The following BCL7A variants were observed in gnomAD, a reference collection of about 807,000 sequenced individuals.
BCL7A encodes the protein B-cell CLL/lymphoma 7 protein family member A.
A neutral mutation model predicts 28.4 loss-of-function variants in BCL7A; 11 were observed. The observed-to-expected ratio is 0.39, with a 90% CI of 0.24 to 0.64. The LOEUF (loss-of-function observed/expected upper bound fraction) is 0.64, where lower values mean the gene tolerates loss of function less well. BCL7A is among the 30% of genes least tolerant of loss of function. The pLI, the probability that BCL7A is intolerant of heterozygous loss-of-function variation, is 0.50. For synonymous variants in BCL7A, 123 were observed against 103.3 expected (o/e 1.19, Z -1.15); for missense variants, 222 against 274.8 (o/e 0.81, Z 1.36).
At position 122,036,729 on chromosome 12, in the gene BCL7A, CAG is replaced by C. The variant is rs72326162; in HGVS notation, c.271+1305_271+1306del. ...TAAAGCTCCTTTTTTTTTTTTAAGG[CAG>C]AGTCTCGCTCCTGTCACCCAGGCTG... On this transcript the variant is annotated intron_variant, in intron 3 of 5. Coordinates refer to ENST00000261822, the MANE Select transcript of BCL7A (RefSeq NM_001024808.3). Among the ~76,000 whole-genome samples the C allele has an allele frequency of 4.7e-3, 705 of 148,916 alleles. 2 individuals carry two copies. The highest frequency in any genetic ancestry group is 8.0e-3 in the Non-Finnish European group (539 of 67,560).
chr12:122,027,561 G>C (rs912549179), intron 1 of BCL7A, among the ~76,000 whole-genome samples: 11 of 150,978 alleles, frequency 7.3e-5, no homozygotes, highest in African/African-American at 2.7e-4. Flanking sequence ...AAATAGGCTG[G>C]GCACAGTGGC....
intron 1 of BCL7A, among the ~76,000 whole-genome samples, chr12:122,027,472 C>T (rs1205880172): frequency 1.3e-5 from 2 of 151,956 alleles, no homozygotes; most frequent in Non-Finnish European, 2.9e-5. Flanking sequence ...CCCAGGAGGT[C>T]GAGGCTGCAG....
At chr12:122,043,293 C>T (rs1220858376) in intron 3 of BCL7A, among the ~76,000 whole-genome samples, 1 of 151,964 alleles carries the variant, frequency 6.6e-6, no homozygotes, top group East Asian at 1.9e-4. Flanking sequence ...GCCACCATCC[C>T]CAGCTGGCTG....
Position 122,059,110 on chromosome 12 carries a change from C to T in BCL7A, c.580C>T (p.Pro194Ser). ...CCCCAAGGATTTGGAAGGAGTGCCA[C>T]CCTCTAAAAAGATGAAACTGGAGGC... ...AISQDLEGVP[P>S]SKKMKLEASQ... is the part of the protein sequence containing the mutation. Residue 194 changes from proline to serine, a missense_variant, in exon 6 of 6, where the codon CCC (proline) becomes TCC (serine). Pro to Ser is a moderately conservative substitution (Grantham distance 74, BLOSUM62 -1). Transcript: ENST00000261822. The surrounding 1 kb of genome is among the most constrained non-coding windows in gnomAD (Gnocchi z 4.0). 1 of 1,611,668 alleles carries T rather than the reference C, an allele frequency of 6.2e-7. No homozygotes were observed. The highest frequency in any genetic ancestry group is 8.5e-7 in the Non-Finnish European group (1 of 1,177,730).
intron 1 of BCL7A, among the ~76,000 whole-genome samples, chr12:122,024,508 T>C (rs976757919): frequency 1.3e-5 from 2 of 151,602 alleles, no homozygotes; most frequent in Admixed American, 6.6e-5. Flanking sequence ...CTTGGACTTA[T>C]TGCCCAGGTT....
At position 122,035,375 on chromosome 12, in the gene BCL7A, A is replaced by G; in HGVS notation, c.219A>G (p.Ser73=). 6.2e-7 allele frequency: 1 copy of G among 1,614,222 alleles called. No individual in the cohort carries two copies. Among genetic ancestry groups the G allele is most frequent in the Non-Finnish European group, 8.5e-7 (1 of 1,180,032 alleles). The part of the protein sequence containing the change: ...KKKGKDEKCG[S]EVTTPENSSS... ...AAGGCAAGGACGAGAAGTGTGGCTC[A>G]GAGGTGACCACTCCGGAGAACAGTT... Residue 73 remains serine, a synonymous_variant, in exon 3 of 6, where the codon TCA becomes TCG. Coordinates refer to ENST00000261822, the MANE Select transcript of BCL7A (RefSeq NM_001024808.3).
chr12:122,042,664 A>G (rs951254162), intron 3 of BCL7A, among the ~76,000 whole-genome samples: 1 of 151,992 alleles, frequency 6.6e-6, no homozygotes, highest in African/African-American at 2.4e-5. Context: ...AAAAAAAAAA[A>G]AAGTGTAAAA....
chr12:122,022,997 C>A (rs1281284702), intron 1 of BCL7A, among the ~76,000 whole-genome samples: 3 of 152,104 alleles, frequency 2.0e-5, no homozygotes, highest in African/African-American at 4.8e-5. Flanking sequence ...GTTTGTTTTG[C>A]GGAGGGAGCT....
intron 2 of BCL7A, among the ~76,000 whole-genome samples, chr12:122,034,849 C>T (rs1883818602): frequency 6.6e-6 from 1 of 152,188 alleles, no homozygotes; most frequent in African/African-American, 2.4e-5. Flanking sequence ...CCTAACTCCT[C>T]TTGCGCTTTT....
chr12:122,038,656 G>A (rs1283122805), intron 3 of BCL7A, among the ~76,000 whole-genome samples: 1 of 152,070 alleles, frequency 6.6e-6, no homozygotes, highest in African/African-American at 2.4e-5. Flanking sequence ...ACTGAGGTTG[G>A]ATTACAGACG....
intron 1 of BCL7A, among the ~76,000 whole-genome samples, chr12:122,024,057 T>C (rs574711754): frequency 6.6e-6 from 1 of 152,080 alleles, no homozygotes; most frequent in South Asian, 2.1e-4. Flanking sequence ...GATGGAGAGA[T>C]GGGGCTTCCC....
At chr12:122,054,033 T>G (rs1025101340) in intron 4 of BCL7A, among the ~76,000 whole-genome samples, 1 of 152,110 alleles carries the variant, frequency 6.6e-6, no homozygotes, top group South Asian at 2.1e-4. Flanking sequence ...TTCTGTACTT[T>G]TCTGTTTCCT....
chr12:122,044,374 G>C, intron 4 of BCL7A: 1 of 257,418 alleles, frequency 3.9e-6, no homozygotes, highest in Non-Finnish European at 7.4e-6. Flanking sequence ...CAAGTGTGGT[G>C]GCACACACCT....
In BCL7A at chr12:122,054,654, T is replaced by C. The variant is rs1884270644; in HGVS notation, c.440-151T>C. 1.2e-5 allele frequency: 9 copies of C among 765,396 alleles called. No homozygotes were observed. The South Asian group carries it at 1.5e-4, about 13-fold the overall frequency. 47.4% of individuals were successfully genotyped at this position (765,396 alleles called of 1,614,324 possible). A position where few individuals can be genotyped will look rare whatever the true frequency, so the allele number is the denominator to read the frequency against. On this transcript the variant is annotated intron_variant, in intron 4 of 5. Coordinates refer to ENST00000261822, the MANE Select transcript of BCL7A (RefSeq NM_001024808.3). ...CGCCACTGAAAAATCAACAGGAGAC[T>C]CCCCAGCCCTCCAGCCCCCCAGCTC...
intron 5 of BCL7A, 81 bp downstream of exon 5, chr12:122,055,007 T>G (rs371196960): frequency 1.2e-5 from 20 of 1,611,262 alleles, no homozygotes; most frequent in Non-Finnish European, 1.5e-5. Context: ...GAAAGGTGTT[T>G]CGTCATTGTG....
At position 122,036,495 on chromosome 12, in the gene BCL7A, C is replaced by T. The variant is rs141351289; in HGVS notation, c.271+1068C>T. Among the ~76,000 whole-genome samples the T allele has an allele frequency of 5.1e-4, 77 of 152,258 alleles. No homozygotes were observed. The East Asian group carries it at 9.5e-3, about 19-fold the overall frequency. ...GCTGTCTGCCATTGTTTCCTGTTGG[C>T]GGTGTCTGTTTCTGTTTTGACCTTT... On this transcript the variant is annotated intron_variant, in intron 3 of 5. Coordinates refer to ENST00000261822, the MANE Select transcript of BCL7A (RefSeq NM_001024808.3).
At chr12:122,039,195 G>A (rs547639868) in intron 3 of BCL7A, among the ~76,000 whole-genome samples, 1 of 151,784 alleles carries the variant, frequency 6.6e-6, no homozygotes, top group South Asian at 2.1e-4. Context: ...TACTCGGGAG[G>A]CTGAGGCAAG....
rs528502089 is a variant in BCL7A, at chr12:122,023,023, T to C, written c.92+840T>C. 2.6e-5 allele frequency among the ~76,000 whole-genome samples: 4 copies of C among 152,234 alleles called. No individual in the cohort carries two copies. The South Asian group carries it at 6.2e-4, about 24-fold the overall frequency. Reference sequence around the variant, plus strand: ...GGAGGGAGCTGTTGTTTTTGTTCTCTGCACCGGGGAGAGGGGGACTTGGTG... The same window carrying C: ...GGAGGGAGCTGTTGTTTTTGTTCTCCGCACCGGGGAGAGGGGGACTTGGTG... On this transcript the variant is annotated intron_variant, in intron 1 of 5. Transcript: ENST00000261822.
intron 1 of BCL7A, among the ~76,000 whole-genome samples, chr12:122,030,146 C>G (rs1883710624): frequency 6.6e-6 from 1 of 152,224 alleles, no homozygotes; most frequent in Non-Finnish European, 1.5e-5. Context: ...GGGCCGAGGT[C>G]ACCACTCCCT....
Sources: allele counts gnomAD v4.1 joint callset (sites outside exome capture counted in the v4.1 genomes callset), GRCh38; gene constraint gnomAD v4.1.1; non-coding constraint Gnocchi (gnomAD v3.1); transcripts MANE v1.5; gene names NCBI Gene and HGNC (gene_info 2026-07-23, HGNC 2026-07-21).